The following ALDH7A1 variants were observed in gnomAD, a reference collection of about 807,000 sequenced individuals.
ALDH7A1 encodes alpha-aminoadipic semialdehyde dehydrogenase.
ALDH7A1 carries 63 observed loss-of-function variants against 79.9 expected under a neutral mutation model. That is an observed-to-expected ratio of 0.79 (90% CI 0.64 to 0.97). The LOEUF is 0.97. Among genes scored for constraint, ALDH7A1 ranks in the 50% least tolerant of loss-of-function variants. ALDH7A1 has a pLI of 0.00. For missense variants in ALDH7A1, 627 were observed against 665.2 expected, an observed-to-expected ratio of 0.94 and a Z score of 0.63; for synonymous variants, 240 against 231.2, an observed-to-expected ratio of 1.04 and a Z score of -0.34.
chr5:126,561,211 A>G, intron 9 of ALDH7A1, 87 bp from the exon 10 acceptor site: 1 of 1,075,640 alleles, frequency 9.3e-7, no homozygotes, highest in Non-Finnish European at 1.4e-6. Flanking sequence ...CAATTATTAA[A>G]TTATATAGCC....
chr5:126,568,219 T>C, intron 9 of ALDH7A1, 40 bp downstream of exon 9: 3 of 1,593,648 alleles, frequency 1.9e-6, no homozygotes, highest in Non-Finnish European at 1.7e-6. Flanking sequence ...ACCTCCATAT[T>C]TGAGAGAATT....
chr5:126,558,092 C>T (rs7704352), intron 11 of ALDH7A1, among the ~76,000 whole-genome samples: 65 of 138,342 alleles, frequency 4.7e-4, no homozygotes, highest in African/African-American at 1.7e-3. Context: ...CGCTTGAATC[C>T]AGGAGGTGGA....
chr5:126,554,212 GC>G, intron 13 of ALDH7A1, 74 bp downstream of exon 13: 1 of 1,272,752 alleles, frequency 7.9e-7, no homozygotes, highest in Admixed American at 1.7e-5. Context: ...TTTCCAATAT[GC>G]CCAGAGCCCT....
chr5:126,555,482 CAAAAAAAAAA>C, intron 12 of ALDH7A1: 1 of 70,464 alleles, frequency 1.4e-5, no homozygotes, highest in South Asian at 4.8e-4. Context: ...AACTGTGTCT[CAAAAAAAAAA>C]AAAAAAAAAA....
chr5:126,556,239 CTTTTTTTTTTT>C (rs35367836), intron 11 of ALDH7A1, among the ~76,000 whole-genome samples: 1 of 97,936 alleles, frequency 1.0e-5, no homozygotes, highest in South Asian at 3.7e-4. Flanking sequence ...TAAGCCATGT[CTTTTTTTTTTT>C]TTTTTTTTTT....
chr5:126,582,453 G>C (rs1392197550), intron 5 of ALDH7A1, among the ~76,000 whole-genome samples: 1 of 152,014 alleles, frequency 6.6e-6, no homozygotes, highest in Non-Finnish European at 1.5e-5. Flanking sequence ...CTTATGATTC[G>C]ACATTTAGGT....
chr5:126,564,024 C>T (rs191125918), intron 9 of ALDH7A1, among the ~76,000 whole-genome samples: 2 of 152,182 alleles, frequency 1.3e-5, no homozygotes, highest in East Asian at 3.9e-4. Context: ...TAGCTTCCAG[C>T]GATCCACCCA....
intron 3 of ALDH7A1, chr5:126,587,271 A>G (rs1280162704): frequency 1.3e-5 from 2 of 152,124 alleles, no homozygotes; most frequent in South Asian, 2.1e-4. Flanking sequence ...AAAGAAATCA[A>G]TTTCTATAAA....
intron 5 of ALDH7A1, among the ~76,000 whole-genome samples, chr5:126,578,963 G>A (rs1460407883): frequency 6.6e-6 from 1 of 151,992 alleles, no homozygotes; most frequent in African/African-American, 2.4e-5. Context: ...AATCCCTAGA[G>A]ATGAAGTGCT....
At chr5:126,582,774 T>A in intron 5 of ALDH7A1, 77 bp downstream of exon 5, 1 of 1,556,372 alleles carries the variant, frequency 6.4e-7, no homozygotes, top group Non-Finnish European at 8.8e-7. Context: ...GCACAGTCAA[T>A]AGCCAGAGTA....
At chr5:126,591,997 T>C (rs1445864421) in intron 3 of ALDH7A1, 2 of 150,806 alleles carry the variant, frequency 1.3e-5, no homozygotes, top group African/African-American at 4.9e-5. Flanking sequence ...GCAGTGATGC[T>C]ATCTTGGCTC....
intron 13 of ALDH7A1, among the ~76,000 whole-genome samples, chr5:126,553,148 CAA>C (rs1208042610): frequency 3.3e-5 from 5 of 152,130 alleles, no homozygotes. Flanking sequence ...GCTCTGAATA[CAA>C]AGTCTCCTAC....
intron 6 of ALDH7A1, among the ~76,000 whole-genome samples, chr5:126,576,639 T>C (rs1306025672): frequency 6.6e-6 from 1 of 152,214 alleles, no homozygotes; most frequent in Non-Finnish European, 1.5e-5. Context: ...TACCAAAGTT[T>C]TATTGGCCAG....
chr5:126,561,229 T>C, intron 9 of ALDH7A1, 105 bp from the exon 10 acceptor site: 1 of 843,792 alleles, frequency 1.2e-6, no homozygotes, highest in Non-Finnish European at 1.8e-6. Context: ...GCCTGTCCAA[T>C]TATTTTTTAT....
intron 16 of ALDH7A1, chr5:126,549,703 G>A (rs1749922464): frequency 3.7e-6 from 2 of 543,460 alleles, no homozygotes; most frequent in Non-Finnish European, 3.3e-6. Context: ...CACATTTCAA[G>A]TTAAGGGCCT....
At chr5:126,547,184 G>A (rs1294975946) in intron 16 of ALDH7A1, among the ~76,000 whole-genome samples, 1 of 152,240 alleles carries the variant, frequency 6.6e-6, no homozygotes, top group Non-Finnish European at 1.5e-5. Flanking sequence ...AGTGACAGCA[G>A]TAAATGGGAC....
chr5:126,543,655 C>A lies in ALDH7A1; in HGVS notation c.*1310G>T, dbSNP rs778898407. ...GATGGATCAGGTTGTCTACAAATGTCATCTTGTTCAAAGGCCTCTGCTCCA... is the reference window on the plus strand; with the variant it reads ...GATGGATCAGGTTGTCTACAAATGTAATCTTGTTCAAAGGCCTCTGCTCCA... On this transcript the variant is annotated 3_prime_UTR_variant, in exon 18 of 18. Transcript: ENST00000409134. The A allele has an allele frequency of 2.0e-5, 3 of 152,184 alleles. No homozygotes were observed. The highest frequency in any genetic ancestry group is 4.4e-5 in the Non-Finnish European group (3 of 68,032). 9.4% of individuals were successfully genotyped at this position (152,184 alleles called of 1,614,324 possible). A position where few individuals can be genotyped will look rare whatever the true frequency, so the allele number is the denominator to read the frequency against.
intron 3 of ALDH7A1, among the ~76,000 whole-genome samples, chr5:126,590,564 T>G: frequency 6.6e-6 from 1 of 151,906 alleles, no homozygotes; most frequent in East Asian, 1.9e-4. Context: ...GAAAAAAGTA[T>G]GTATGTATAG....
At position 126,583,881 on chromosome 5, in the gene ALDH7A1, A is replaced by T. The variant is rs1460397710; in HGVS notation, c.393+51T>A. On this transcript the variant is annotated intron_variant, in intron 4 of 17. Transcript: ENST00000409134. ...AATTTTATATATAGAAAAGCATGAC[A>T]GCCTTATTGTCCACTCAAAGAATTG... 2.8e-6 allele frequency: 4 copies of T among 1,416,060 alleles called. No individual in the cohort carries two copies. The African/African-American group carries it at 4.2e-5, about 15-fold the overall frequency. 87.7% of individuals were successfully genotyped at this position (1,416,060 alleles called of 1,614,324 possible). A position where few individuals can be genotyped will look rare whatever the true frequency, so the allele number is the denominator to read the frequency against.
Sources: gnomAD v4.1 joint callset for allele counts (sites outside exome capture counted in the v4.1 genomes callset) on GRCh38, gnomAD v4.1.1 for gene constraint, MANE v1.5 for transcripts, NCBI Gene and HGNC (gene_info 2026-07-23, HGNC 2026-07-21) for gene names.